The following ANKRD11 variants were observed in gnomAD, a reference collection of about 807,000 sequenced individuals.
ANKRD11 encodes ankyrin repeat domain 11, also known as ankyrin repeat domain-containing protein 11.
A neutral mutation model predicts 195.7 loss-of-function variants in ANKRD11; 17 were observed. The observed-to-expected ratio is 0.09, with a 90% CI of 0.06 to 0.13. The LOEUF is 0.13. ANKRD11 is among the 10% of genes least tolerant of loss of function. The probability of loss-of-function intolerance (pLI) is 1.00; values close to 1 mark genes in which losing one functional copy is unlikely to be tolerated. For missense variants in ANKRD11, 3,735 were observed against 3,566.1 expected, an observed-to-expected ratio of 1.05 and a Z score of -1.21; for synonymous variants, 1,953 against 1,528.1, an observed-to-expected ratio of 1.28 and a Z score of -6.49.
intron 1 of ANKRD11, among the ~76,000 whole-genome samples, chr16:89,447,764 A>T (rs1039907409): frequency 1.3e-5 from 2 of 149,708 alleles, no homozygotes; most frequent in African/African-American, 2.5e-5. Context: ...TACATGTACC[A>T]GCATTTATCT....
At chr16:89,382,391 T>G (rs777215374) in intron 2 of ANKRD11, among the ~76,000 whole-genome samples, 1 of 152,042 alleles carries the variant, frequency 6.6e-6, no homozygotes, top group Non-Finnish European at 1.5e-5. Flanking sequence ...AATGGTGCAA[T>G]CTCGGCTCAC....
intron 2 of ANKRD11, among the ~76,000 whole-genome samples, chr16:89,403,972 G>A (rs1017734529): frequency 1.3e-5 from 2 of 152,118 alleles, no homozygotes; most frequent in African/African-American, 2.4e-5. Context: ...GCACAGAAAG[G>A]AGCAAGATTA....
intron 2 of ANKRD11, 136 bp from the exon 3 acceptor site, chr16:89,317,214 G>T: frequency 2.9e-6 from 2 of 700,384 alleles, no homozygotes; most frequent in Non-Finnish European, 5.1e-6. Flanking sequence ...CCCGGGCCAG[G>T]CCCAGGAAGG....
chr16:89,431,485 T>C (rs1408117672), intron 1 of ANKRD11, among the ~76,000 whole-genome samples: 1 of 152,280 alleles, frequency 6.6e-6, no homozygotes, highest in East Asian at 1.9e-4. Context: ...TCTGTGTTTC[T>C]TGTGAGAAAC....
intron 2 of ANKRD11, among the ~76,000 whole-genome samples, chr16:89,379,458 C>T (rs2040554714): frequency 1.3e-5 from 2 of 152,244 alleles, no homozygotes; most frequent in Non-Finnish European, 1.5e-5. Context: ...CCAAAACCAG[C>T]TCATGTAACT....
chr16:89,324,668 A>G, intron 2 of ANKRD11: 1 of 370,314 alleles, frequency 2.7e-6, no homozygotes, highest in Non-Finnish European at 5.3e-6. Flanking sequence ...TCCATGCTGG[A>G]TACTTCCTGC....
rs566866900 is a variant in ANKRD11, at chr16:89,450,225, G to A, written c.-144-31857C>T. On this transcript the variant is annotated intron_variant, in intron 1 of 12. Transcript: ENST00000301030. ...CCTGTGCATGGAGCTGGCTCAGACC[G>A]GGGAGCCAGATGCTGTCTGAAAATA... Among the ~76,000 whole-genome samples the A allele has an allele frequency of 1.1e-4, 17 of 152,226 alleles. No homozygotes were observed. In the East Asian group the frequency reaches 1.2e-3, roughly 10 times the overall value.
chr16:89,461,124 G>A (rs551038082), intron 1 of ANKRD11, among the ~76,000 whole-genome samples: 1 of 141,584 alleles, frequency 7.1e-6, no homozygotes, highest in Non-Finnish European at 1.5e-5. Context: ...CCCTCCCATA[G>A]GAGACGCACC....
At chr16:89,458,379 C>T (rs959220212) in intron 1 of ANKRD11, among the ~76,000 whole-genome samples, 1 of 152,128 alleles carries the variant, frequency 6.6e-6, no homozygotes, top group Non-Finnish European at 1.5e-5. Flanking sequence ...CGCCCGCCAC[C>T]ACGCCCGGCT....
At chr16:89,409,613 A>G (rs2152203002) in intron 2 of ANKRD11, among the ~76,000 whole-genome samples, 1 of 152,338 alleles carries the variant, frequency 6.6e-6, no homozygotes, top group South Asian at 2.1e-4. Flanking sequence ...CAGGAGTTCC[A>G]GGCCAGTCTG....
At chr16:89,384,564 AC>A (rs2040812429) in intron 2 of ANKRD11, among the ~76,000 whole-genome samples, 2 of 151,436 alleles carry the variant, frequency 1.3e-5, no homozygotes, top group Non-Finnish European at 2.9e-5. Flanking sequence ...TGGGAATGGG[AC>A]AGGATGGGAC....
chr16:89,397,436 C>G (rs1197433558), intron 2 of ANKRD11, among the ~76,000 whole-genome samples: 1 of 152,222 alleles, frequency 6.6e-6, no homozygotes, highest in East Asian at 1.9e-4. Flanking sequence ...AGCGCCGTAC[C>G]ACTCCCTGCC....
At chr16:89,337,812 G>C (rs530922585) in intron 2 of ANKRD11, among the ~76,000 whole-genome samples, 1 of 152,092 alleles carries the variant, frequency 6.6e-6, no homozygotes. Flanking sequence ...TGCCCAAGTC[G>C]CACGAGCAAG....
chr16:89,433,645 C>T (rs1044573628), intron 1 of ANKRD11, among the ~76,000 whole-genome samples: 2 of 151,880 alleles, frequency 1.3e-5, no homozygotes, highest in Non-Finnish European at 2.9e-5. Context: ...GGGCTGGGCA[C>T]GCCACCTTCA....
At chr16:89,465,483 C>T (rs1440021331) in intron 1 of ANKRD11, among the ~76,000 whole-genome samples, 1 of 152,186 alleles carries the variant, frequency 6.6e-6, no homozygotes, top group Non-Finnish European at 1.5e-5. Context: ...GACAGTCCAT[C>T]GAGGCCTTTC....
intron 1 of ANKRD11, among the ~76,000 whole-genome samples, chr16:89,474,744 T>C (rs2057199737): frequency 6.6e-6 from 1 of 152,166 alleles, no homozygotes; most frequent in African/African-American, 2.4e-5. Flanking sequence ...TCATACTCAA[T>C]CACTATATTC....
At position 89,437,029 on chromosome 16, in the gene ANKRD11, A is replaced by G. The variant is rs868604976; in HGVS notation, c.-144-18661T>C. ...GATGAATTTAGAACATTTGTCCCCA[A>G]TATCCTAAAAAGTGACATACGAGGA... On this transcript the variant is annotated intron_variant, in intron 1 of 12. Transcript: ENST00000301030. Among the ~76,000 whole-genome samples the G allele has an allele frequency of 7.2e-5, 11 of 152,212 alleles. 1 individual carries two copies. Among genetic ancestry groups the G allele is most frequent in the Admixed American group, 2.6e-4 (4 of 15,288 alleles).
At chr16:89,301,695 C>A in intron 4 of ANKRD11, 2 of 398,730 alleles carry the variant, frequency 5.0e-6, no homozygotes, top group Non-Finnish European at 8.8e-6. Flanking sequence ...AGCCTCCAGG[C>A]TGCTGTGCAG....
intron 2 of ANKRD11, among the ~76,000 whole-genome samples, chr16:89,325,758 G>A (rs2037676664): frequency 1.3e-5 from 2 of 152,196 alleles, no homozygotes; most frequent in Admixed American, 6.5e-5. Context: ...TTCAGAAGGT[G>A]ACAGAGATAA....
Sources: allele counts gnomAD v4.1 joint callset (sites outside exome capture counted in the v4.1 genomes callset), GRCh38; gene constraint gnomAD v4.1.1; transcripts MANE v1.5; gene names NCBI Gene and HGNC (gene_info 2026-07-23, HGNC 2026-07-21).